The following HDAC9 variants were observed in gnomAD, a reference collection of about 807,000 sequenced individuals.
HDAC9 encodes the protein histone deacetylase 9, also known as MEF-2 interacting transcription repressor (MITR) protein.
HDAC9 carries 41 observed loss-of-function variants against 139.4 expected under a neutral mutation model. That is an observed-to-expected ratio of 0.29 (90% CI 0.23 to 0.38). HDAC9 has a LOEUF of 0.38. Ranked by LOEUF, HDAC9 falls within the 10% of genes least tolerant of loss-of-function variation. The pLI, the probability that HDAC9 is intolerant of heterozygous loss-of-function variation, is 1.00. For synonymous variants in HDAC9, 517 were observed against 476.2 expected (o/e 1.09, Z -1.12); for missense variants, 1,147 against 1,297.0 (o/e 0.88, Z 1.78).
At chr7:18,922,216 C>T (rs1315978845) in intron 22 of HDAC9, among the ~76,000 whole-genome samples, 2 of 151,948 alleles carry the variant, frequency 1.3e-5, no homozygotes, top group African/African-American at 4.8e-5. Context: ...TACCCTACAA[C>T]TTAAACTATA....
chr7:18,236,626 T>G (rs1369108974), intron 2 of HDAC9, among the ~76,000 whole-genome samples: 1 of 152,174 alleles, frequency 6.6e-6, no homozygotes, highest in Non-Finnish European at 1.5e-5. Context: ...TGGATGCACT[T>G]GCAATTTTGT....
intron 1 of HDAC9, among the ~76,000 whole-genome samples, chr7:18,426,048 C>T (rs547391634): frequency 2.6e-5 from 4 of 152,254 alleles, no homozygotes; most frequent in South Asian, 2.1e-4. Flanking sequence ...CAGTGATATA[C>T]GGACACACAA....
chr7:18,698,930 C>A lies in HDAC9; in HGVS notation c.1732-28650C>A, dbSNP rs558723158. ...TGTTCTAAGCATGAAAGGTTAGCAA[C>A]AAGCTTCATAAAGTCATCCTATTTG... On this transcript the variant is annotated intron_variant, in intron 12 of 25. Coordinates refer to ENST00000686413, the MANE Select transcript of HDAC9 (RefSeq NM_178425.4). Among the ~76,000 whole-genome samples, 152 of 152,294 alleles carry A rather than the reference C, an allele frequency of 1.0e-3. 2 individuals are homozygous for A. The highest frequency in any genetic ancestry group is 1.7e-3 in the Non-Finnish European group (114 of 68,020).
At chr7:18,403,433 A>T (rs1787724833) in intron 1 of HDAC9, among the ~76,000 whole-genome samples, 1 of 152,158 alleles carries the variant, frequency 6.6e-6, no homozygotes, top group Non-Finnish European at 1.5e-5. Context: ...TTCTATCATA[A>T]AATCGAAACA....
intron 6 of HDAC9, among the ~76,000 whole-genome samples, chr7:18,594,276 T>G (rs1831836353): frequency 6.6e-6 from 1 of 152,098 alleles, no homozygotes; most frequent in Non-Finnish European, 1.5e-5. Context: ...TTTAGCCAAA[T>G]TATTTTCTTA....
At chr7:18,928,049 G>A (rs962000424) in intron 22 of HDAC9, among the ~76,000 whole-genome samples, 16 of 152,124 alleles carry the variant, frequency 1.1e-4, no homozygotes, top group African/African-American at 2.9e-4. Flanking sequence ...TTAACCAAAC[G>A]AATCATGATC....
chr7:18,672,243 A>G (rs1384894741), intron 12 of HDAC9, among the ~76,000 whole-genome samples: 1 of 152,064 alleles, frequency 6.6e-6, no homozygotes, highest in Non-Finnish European at 1.5e-5. Flanking sequence ...GATGGTAGCC[A>G]TCCTAGTGAG....
At position 18,965,314 on chromosome 7, in the gene HDAC9, C is replaced by T. The variant is rs140356884; in HGVS notation, c.3023-10492C>T. The stretch of plus-strand genomic sequence containing the variant: ...TTAATTTTCAAAAAAAGGTTGGTTT[C>T]TAATGCAACATTCAATGCATTTTAG... On this transcript the variant is annotated intron_variant, in intron 24 of 25. Transcript: ENST00000686413. Among the ~76,000 whole-genome samples, 658 of 152,306 alleles carry T rather than the reference C, an allele frequency of 4.3e-3. 7 individuals carry two copies. The highest frequency in any genetic ancestry group is 0.015 in the African/African-American group (636 of 41,566).
At chr7:18,976,984 G>C (rs1439450328) in intron 25 of HDAC9, among the ~76,000 whole-genome samples, 1 of 152,136 alleles carries the variant, frequency 6.6e-6, no homozygotes, top group Non-Finnish European at 1.5e-5. Context: ...GCTTTTACTG[G>C]ATACTCAGAG....
chr7:18,513,016 C>G (rs572379162), intron 2 of HDAC9, among the ~76,000 whole-genome samples: 1 of 152,282 alleles, frequency 6.6e-6, no homozygotes, highest in African/African-American at 2.4e-5. Context: ...CATCACAAAT[C>G]AATGGAAAGA....
At chr7:18,361,477 A>G (rs1204610333) in intron 1 of HDAC9, among the ~76,000 whole-genome samples, 8 of 152,164 alleles carry the variant, frequency 5.3e-5, no homozygotes, top group African/African-American at 1.2e-4. Flanking sequence ...CTGCACCTCA[A>G]GAAGACCTGA....
At chr7:18,696,146 A>G (rs2129100931) in intron 12 of HDAC9, among the ~76,000 whole-genome samples, 1 of 152,014 alleles carries the variant, frequency 6.6e-6, no homozygotes, top group South Asian at 2.1e-4. Flanking sequence ...TCAGATAGTG[A>G]TCACTAATAG....
At chr7:18,161,169 AG>A (rs1284842537) in intron 1 of HDAC9, among the ~76,000 whole-genome samples, 7 of 152,210 alleles carry the variant, frequency 4.6e-5, no homozygotes, top group Non-Finnish European at 1.0e-4. Flanking sequence ...GTAGCCTGCT[AG>A]GTCTAATGAC....
chr7:18,688,347 G>T (rs17348617), intron 12 of HDAC9, among the ~76,000 whole-genome samples: 14,574 of 151,712 alleles, frequency 0.096, 743 homozygotes, highest in East Asian at 0.15. Flanking sequence ...ACTTCTAAAT[G>T]ATGAAGGTTC....
In HDAC9 at chr7:18,138,203, T is replaced by A. The variant is rs201652574; in HGVS notation, c.-96-24026T>A. ...TATTTGATTCTTCTCTCTTTTTTTCTTTATTAGTCTTGCTAGTGGTCTATC... is the reference window on the plus strand; with the variant it reads ...TATTTGATTCTTCTCTCTTTTTTTCATTATTAGTCTTGCTAGTGGTCTATC... On this transcript the variant is annotated intron_variant, in intron 1 of 12. Transcript: ENST00000417496. 2.0e-5 allele frequency among the ~76,000 whole-genome samples: 3 copies of A among 152,214 alleles called. No individual in the cohort carries two copies. In the East Asian group the frequency reaches 5.8e-4, roughly 29 times the overall value.
intron 1 of HDAC9, among the ~76,000 whole-genome samples, chr7:18,305,090 C>G (rs1291754511): frequency 6.6e-6 from 1 of 152,178 alleles, no homozygotes; most frequent in African/African-American, 2.4e-5. Context: ...CCTTCTCTGA[C>G]CCACCAATCT....
chr7:18,274,685 T>C (rs967713467), intron 2 of HDAC9, among the ~76,000 whole-genome samples: 2 of 152,190 alleles, frequency 1.3e-5, no homozygotes, highest in Non-Finnish European at 2.9e-5. Context: ...TATGTCGGTC[T>C]GAGAAAGAAT....
Position 18,729,108 on chromosome 7 carries a change from A to G in HDAC9, c.1909+1351A>G, listed in dbSNP as rs191044026. 9.2e-5 allele frequency among the ~76,000 whole-genome samples: 14 copies of G among 152,260 alleles called. No homozygotes were observed. In the East Asian group the frequency reaches 2.1e-3, roughly 23 times the overall value. ...CGAGTTTTTGCTCAAAACCAGATAC[A>G]TGATACAGAGGAATAATTTTTTGCA... On this transcript the variant is annotated intron_variant, in intron 13 of 25. Coordinates refer to ENST00000686413, the MANE Select transcript of HDAC9 (RefSeq NM_178425.4).
chr7:18,740,648 T>C (rs1787365802), intron 13 of HDAC9, among the ~76,000 whole-genome samples: 1 of 152,156 alleles, frequency 6.6e-6, no homozygotes, highest in African/African-American at 2.4e-5. Context: ...ACAGTCCCTT[T>C]GTGTTCAAGT....
Sources: gnomAD v4.1 joint callset for allele counts (sites outside exome capture counted in the v4.1 genomes callset) on GRCh38, gnomAD v4.1.1 for gene constraint, MANE v1.5 for transcripts, NCBI Gene and HGNC (gene_info 2026-07-23, HGNC 2026-07-21) for gene names.